Variants in VCL observed in about 807,000 individuals in gnomAD.
VCL encodes the protein epididymis luminal protein 114.
Under a neutral mutation model 125.7 loss-of-function variants are expected in VCL, and 47 were observed. That is an observed-to-expected ratio of 0.37 (90% confidence interval 0.30 to 0.48). The LOEUF (loss-of-function observed/expected upper bound fraction) is 0.48. Ranked by LOEUF, VCL falls within the 20% of genes least tolerant of loss-of-function variation. The probability of loss-of-function intolerance (pLI) is 0.99; values close to 1 mark genes in which losing one functional copy is unlikely to be tolerated. For synonymous variants in VCL, 458 were observed against 514.6 expected (o/e 0.89, Z 1.49); for missense variants, 1,069 against 1,455.5 (o/e 0.73, Z 4.32).
chr10:74,096,605 GATGACT>G (rs1278701276), intron 12 of VCL, among the ~76,000 whole-genome samples: 9 of 152,166 alleles, frequency 5.9e-5, no homozygotes, highest in African/African-American at 2.2e-4. Context: ...GATTAAATGT[GATGACT>G]ATGAAAAAGA....
intron 1 of VCL, among the ~76,000 whole-genome samples, chr10:73,998,953 G>C (rs1387722728): frequency 6.7e-6 from 1 of 149,952 alleles, no homozygotes; most frequent in African/African-American, 2.5e-5. Context: ...CCTGTATTCC[G>C]CCCTTTTATT....
rs776878173 is a variant in VCL at position 74,083,505 on chromosome 10, C to T, written c.1014C>T (p.Leu338=). Reference sequence around the variant, plus strand: ...AGATGACTGATCAAGTGGCTGACCTCCGTGCCAGGTAAAAGTTCCTCTGTC... The same window carrying T: ...AGATGACTGATCAAGTGGCTGACCTTCGTGCCAGGTAAAAGTTCCTCTGTC... ...LGQMTDQVAD[L]RARGQGSSPV... is the part of the protein sequence containing the mutation. The change falls in exon 8 of 22, where the codon CTC becomes CTT. Residue 338 remains leucine, a synonymous_variant. Transcript: ENST00000211998. 1 of 1,613,892 alleles carries T rather than the reference C, an allele frequency of 6.2e-7. No homozygotes were observed. The highest frequency in any genetic ancestry group is 8.5e-7 in the Non-Finnish European group (1 of 1,179,880).
chr10:74,101,671 T>C (rs1038471790), intron 14 of VCL, among the ~76,000 whole-genome samples: 2 of 147,674 alleles, frequency 1.4e-5, no homozygotes, highest in Non-Finnish European at 3.0e-5. Context: ...TTCTCCTGCC[T>C]CAGCCTCCCG....
chr10:74,100,916 T>C, intron 13 of VCL, 32 bp from the exon 14 acceptor site: 1 of 1,613,248 alleles, frequency 6.2e-7, no homozygotes, highest in East Asian at 2.2e-5. Context: ...TTTATTGAAA[T>C]AAATGTTCTT....
chr10:74,114,627 T>C (rs1840284192), intron 20 of VCL, among the ~76,000 whole-genome samples, 168 bp from the exon 21 acceptor site: 1 of 151,042 alleles, frequency 6.6e-6, no homozygotes, highest in Non-Finnish European at 1.5e-5. Flanking sequence ...TCTGGAGAAA[T>C]GGATTGTACT....
intron 1 of VCL, 45 bp downstream of exon 1, chr10:73,998,420 C>A: frequency 7.5e-7 from 1 of 1,342,048 alleles, no homozygotes; most frequent in Non-Finnish European, 9.5e-7. Context: ...GGGAGGTATC[C>A]CCGGGGCCCC....
At chr10:74,103,973 G>C in intron 15 of VCL, 45 bp downstream of exon 15, 5 of 1,585,572 alleles carry the variant, frequency 3.2e-6, no homozygotes, top group Non-Finnish European at 4.3e-6. Context: ...CATGAAGAAT[G>C]AGTTCTGAGA....
intron 1 of VCL, among the ~76,000 whole-genome samples, chr10:74,012,580 T>C (rs2136227858): frequency 6.6e-6 from 1 of 152,304 alleles, no homozygotes; most frequent in South Asian, 2.1e-4. Flanking sequence ...ATGGAGAAGA[T>C]GTGAAGTGGT....
intron 1 of VCL, among the ~76,000 whole-genome samples, chr10:74,033,753 C>T (rs1156522927): frequency 1.3e-5 from 2 of 152,138 alleles, no homozygotes; most frequent in African/African-American, 4.8e-5. Flanking sequence ...TTTTCAGTTG[C>T]TTATTGGACA....
chr10:74,072,954 T>A, intron 5 of VCL, 102 bp downstream of exon 5: 1 of 1,549,086 alleles, frequency 6.5e-7, no homozygotes, highest in Non-Finnish European at 8.8e-7. Context: ...TCTTTTTTTT[T>A]TTTTTGAGAT....
chr10:74,047,578 A>AG, intron 2 of VCL, among the ~76,000 whole-genome samples: 1 of 152,326 alleles, frequency 6.6e-6, no homozygotes, highest in East Asian at 1.9e-4. Context: ...TGACTGCTTA[A>AG]GCAACACTAA....
In VCL at chr10:74,071,176, T is replaced by C. The variant is rs892444945; in HGVS notation, c.499+93T>C. Reference sequence around the variant, plus strand: ...CCCTCTTCCTACTTTTTGCAGAAGATAGGTGAAGATGCATTGGGCTTTCAG... The same window carrying C: ...CCCTCTTCCTACTTTTTGCAGAAGACAGGTGAAGATGCATTGGGCTTTCAG... On this transcript the variant is annotated intron_variant, in intron 4 of 21. Transcript: ENST00000211998. This position sits in a 1 kb window ranked among gnomAD's most constrained non-coding sequence, Gnocchi z 4.1. The C allele has an allele frequency of 8.6e-7, 1 of 1,169,078 alleles. No homozygotes were observed. The highest frequency in any genetic ancestry group is 1.8e-5 in the Admixed American group (1 of 55,016). The allele number at this position is 1,169,078 out of a possible 1,614,324, so 72.4% of individuals were successfully genotyped here. A position where few individuals can be genotyped will look rare whatever the true frequency, so the allele number is the denominator to read the frequency against.
intron 9 of VCL, 47 bp from the exon 10 acceptor site, chr10:74,089,976 G>C: frequency 6.2e-7 from 1 of 1,610,994 alleles, no homozygotes; most frequent in African/African-American, 1.3e-5. Flanking sequence ...GTAGAAAGGA[G>C]TGTGTGAGTA....
intron 1 of VCL, among the ~76,000 whole-genome samples, chr10:74,024,770 A>G (rs2136235963): frequency 6.6e-6 from 1 of 152,320 alleles, no homozygotes; most frequent in African/African-American, 2.4e-5. Context: ...CTAAGCAAAT[A>G]ACAGTTAAGG....
chr10:74,099,338 G>GT (rs1234124999), intron 13 of VCL, among the ~76,000 whole-genome samples: 2 of 151,982 alleles, frequency 1.3e-5, no homozygotes, highest in African/African-American at 2.4e-5. Flanking sequence ...CCATGTCTTT[G>GT]TTTTTTCTGT....
chr10:74,048,916 C>T (rs998679681), intron 2 of VCL, among the ~76,000 whole-genome samples: 1 of 151,932 alleles, frequency 6.6e-6, no homozygotes, highest in Non-Finnish European at 1.5e-5. Flanking sequence ...GTCAGGAGAT[C>T]GAGACCACGG....
chr10:74,050,568 T>C (rs1841281256), intron 2 of VCL, among the ~76,000 whole-genome samples: 1 of 152,238 alleles, frequency 6.6e-6, no homozygotes, highest in Non-Finnish European at 1.5e-5. Context: ...GCTTTTTCTT[T>C]GCTTGTGATC....
intron 1 of VCL, among the ~76,000 whole-genome samples, chr10:74,006,469 A>G (rs1480423989): frequency 6.6e-6 from 1 of 152,252 alleles, no homozygotes; most frequent in African/African-American, 2.4e-5. Flanking sequence ...TAAGGACAAC[A>G]GTAGGACAAA....
chr10:74,084,616 T>A (rs183209599), intron 8 of VCL, among the ~76,000 whole-genome samples: 39 of 150,726 alleles, frequency 2.6e-4, no homozygotes, highest in African/African-American at 9.5e-4. Context: ...TTCTTTTTCT[T>A]TTTTATTTTT....
Sources: allele counts gnomAD v4.1 joint callset (sites outside exome capture counted in the v4.1 genomes callset), GRCh38; gene constraint gnomAD v4.1.1; non-coding constraint Gnocchi (gnomAD v3.1); transcripts MANE v1.5; gene names NCBI Gene and HGNC (gene_info 2026-07-23, HGNC 2026-07-21).